HHIP: variants seen among roughly 807,000 people sequenced by gnomAD.
The protein encoded by HHIP is hedgehog interacting protein.
HHIP carries 12 observed loss-of-function variants against 74.0 expected under a neutral mutation model. The ratio of observed to expected loss-of-function variants is 0.16; its 90% CI spans 0.10 to 0.26. The LOEUF (loss-of-function observed/expected upper bound fraction) is 0.26. HHIP is among the 10% of genes least tolerant of loss of function. The pLI, the probability that HHIP is intolerant of heterozygous loss-of-function variation, is 1.00. For synonymous variants in HHIP, 309 were observed against 311.6 expected (o/e 0.99, Z 0.09); for missense variants, 788 against 845.0 (o/e 0.93, Z 0.84).
intron 6 of HHIP, 44 bp downstream of exon 6, chr4:144,707,304 G>T (rs767574761): frequency 6.8e-7 from 1 of 1,477,732 alleles, no homozygotes; most frequent in Non-Finnish European, 9.1e-7. Flanking sequence ...GGTTAAAATA[G>T]TTTAAGTGCC....
chr4:144,708,144 A>G (rs780397105), intron 6 of HHIP, 24 bp from the exon 7 acceptor site: 2 of 1,612,746 alleles, frequency 1.2e-6, no homozygotes, highest in South Asian at 1.1e-5. Flanking sequence ...TGTAAAACAC[A>G]TACTCTGTCC....
At chr4:144,727,980 T>G (rs1007440338) in intron 11 of HHIP, among the ~76,000 whole-genome samples, 1 of 152,222 alleles carries the variant, frequency 6.6e-6, no homozygotes, top group Admixed American at 6.5e-5. Flanking sequence ...CTTTCTGATC[T>G]TTTAAACTTA....
chr4:144,656,839 C>G (rs770740106), intron 2 of HHIP, among the ~76,000 whole-genome samples: 5 of 151,786 alleles, frequency 3.3e-5, no homozygotes, highest in Non-Finnish European at 5.9e-5. Flanking sequence ...TTGTTTAACA[C>G]TATTAGGCAG....
chr4:144,736,070 A>C (rs1027433841), intron 12 of HHIP, among the ~76,000 whole-genome samples: 2 of 151,754 alleles, frequency 1.3e-5, no homozygotes, highest in Non-Finnish European at 2.9e-5. Context: ...AATGATATTC[A>C]AATTCCTGCT....
At chr4:144,651,781 A>C (rs1319106549) in intron 1 of HHIP, among the ~76,000 whole-genome samples, 1 of 152,032 alleles carries the variant, frequency 6.6e-6, no homozygotes, top group East Asian at 1.9e-4. Flanking sequence ...TAATTGCTAA[A>C]CTCAATGATT....
Position 144,717,043 on chromosome 4 carries a change from A to C in HHIP, c.1678+1613A>C, listed in dbSNP as rs78150892. Among the ~76,000 whole-genome samples the C allele has an allele frequency of 2.0e-4, 31 of 152,152 alleles. No individual in the cohort carries two copies. In the East Asian group the frequency reaches 6.0e-3, roughly 29 times the overall value. On this transcript the variant is annotated intron_variant, in intron 10 of 12. Coordinates refer to ENST00000296575, the MANE Select transcript of HHIP (RefSeq NM_022475.3). ...TAAAATATCCCAAATGTCTGTGTAC[A>C]CCTAATACTATTTAGAAGCAGAACT...
At chr4:144,656,421 T>C (rs909932950) in intron 2 of HHIP, among the ~76,000 whole-genome samples, 3 of 152,212 alleles carry the variant, frequency 2.0e-5, no homozygotes, top group African/African-American at 7.2e-5. Context: ...AGATATTCCG[T>C]TTGAAAATGA....
chr4:144,700,989 T>A (rs1184290264), intron 4 of HHIP, among the ~76,000 whole-genome samples: 1 of 152,040 alleles, frequency 6.6e-6, no homozygotes, highest in Admixed American at 6.6e-5. Context: ...GGGTCCCATT[T>A]TAGTCCCAAG....
At chr4:144,720,013 C>G (rs1038615586) in intron 11 of HHIP, among the ~76,000 whole-genome samples, 2 of 152,234 alleles carry the variant, frequency 1.3e-5, no homozygotes, top group African/African-American at 2.4e-5. Flanking sequence ...GACATTGGCT[C>G]TTGCAGAACA....
At chr4:144,715,978 C>T (rs1219796035) in intron 10 of HHIP, among the ~76,000 whole-genome samples, 2 of 152,022 alleles carry the variant, frequency 1.3e-5, no homozygotes, top group African/African-American at 4.8e-5. Context: ...TATGGTATAA[C>T]ATATAATATA....
chr4:144,693,092 A>G (rs1223492928), intron 4 of HHIP, among the ~76,000 whole-genome samples: 1 of 152,182 alleles, frequency 6.6e-6, no homozygotes, highest in African/African-American at 2.4e-5. Flanking sequence ...TCATAACGTT[A>G]TAGGTGTTGA....
intron 4 of HHIP, among the ~76,000 whole-genome samples, chr4:144,691,046 G>A (rs544178899): frequency 1.3e-5 from 2 of 152,184 alleles, no homozygotes; most frequent in South Asian, 2.1e-4. Context: ...AGACTGTTTC[G>A]AAATGCTGTG....
At chr4:144,727,577 C>G (rs1374911746) in intron 11 of HHIP, among the ~76,000 whole-genome samples, 1 of 152,128 alleles carries the variant, frequency 6.6e-6, no homozygotes, top group Non-Finnish European at 1.5e-5. Flanking sequence ...TATAATACCA[C>G]AAATACCTAA....
At chr4:144,719,319 A>G (rs1184105788) in intron 11 of HHIP, among the ~76,000 whole-genome samples, 1 of 152,220 alleles carries the variant, frequency 6.6e-6, no homozygotes, top group Non-Finnish European at 1.5e-5. Context: ...AACGAGAAAC[A>G]TACTGGCAGA....
intron 4 of HHIP, among the ~76,000 whole-genome samples, chr4:144,687,942 A>C (rs1729534743): frequency 6.6e-6 from 1 of 151,706 alleles, no homozygotes; most frequent in South Asian, 2.1e-4. Context: ...ACTAGGTATG[A>C]TTATCCCTTT....
intron 4 of HHIP, among the ~76,000 whole-genome samples, chr4:144,668,272 G>A (rs1728932644): frequency 6.6e-6 from 1 of 150,544 alleles, no homozygotes; most frequent in South Asian, 2.1e-4. Flanking sequence ...AGCCGAGATC[G>A]CGCCACGCCA....
At chr4:144,710,772 A>T (rs1039347613) in intron 7 of HHIP, among the ~76,000 whole-genome samples, 4 of 152,192 alleles carry the variant, frequency 2.6e-5, no homozygotes, top group African/African-American at 9.7e-5. Flanking sequence ...GATGCTGCTA[A>T]ACACCCTACA....
chr4:144,706,809 C>G (rs140739065), intron 5 of HHIP, 127 bp downstream of exon 5: 42 of 836,776 alleles, frequency 5.0e-5, no homozygotes, highest in Middle Eastern at 3.5e-4. Flanking sequence ...ATCATTACCT[C>G]CATCTTGCTG....
At chr4:144,690,449 C>T (rs973232187) in intron 4 of HHIP, among the ~76,000 whole-genome samples, 1 of 152,134 alleles carries the variant, frequency 6.6e-6, no homozygotes, top group Non-Finnish European at 1.5e-5. Flanking sequence ...GAGGACTTTG[C>T]AGAAGTGCTG....
Sources: allele counts gnomAD v4.1 joint callset (sites outside exome capture counted in the v4.1 genomes callset), GRCh38; gene constraint gnomAD v4.1.1; transcripts MANE v1.5; gene names NCBI Gene and HGNC (gene_info 2026-07-23, HGNC 2026-07-21).